PTPRD: variants seen among roughly 807,000 people sequenced by gnomAD.
PTPRD encodes the protein receptor-type tyrosine-protein phosphatase delta.
PTPRD carries 34 observed loss-of-function variants against 214.5 expected under a neutral mutation model. The observed-to-expected ratio is 0.16, with a 90% CI of 0.12 to 0.21. The LOEUF (loss-of-function observed/expected upper bound fraction) is 0.21, where lower values mean the gene tolerates loss of function less well. Among genes scored for constraint, PTPRD ranks in the 10% least tolerant of loss-of-function variants. The probability of loss-of-function intolerance (pLI) is 1.00; values close to 1 mark genes in which losing one functional copy is unlikely to be tolerated. For synonymous variants in PTPRD, 1,128 were observed against 845.7 expected (o/e 1.33, Z -5.79); for missense variants, 2,545 against 2,398.7 (o/e 1.06, Z -1.27).
At chr9:10,189,354 C>T (rs1023524499) in intron 3 of PTPRD, among the ~76,000 whole-genome samples, 8 of 152,128 alleles carry the variant, frequency 5.3e-5, no homozygotes, top group Non-Finnish European at 1.2e-4. Flanking sequence ...ATGGGTCTTT[C>T]ATCCTCAAGG....
At chr9:10,412,904 A>C (rs796916158) in intron 2 of PTPRD, among the ~76,000 whole-genome samples, 7 of 152,094 alleles carry the variant, frequency 4.6e-5, no homozygotes, top group African/African-American at 1.7e-4. Flanking sequence ...TTTAAATAAA[A>C]TTCAACATCC....
intron 9 of PTPRD, among the ~76,000 whole-genome samples, chr9:9,211,417 G>A (rs1196770065): frequency 6.6e-6 from 1 of 151,620 alleles, no homozygotes; most frequent in African/African-American, 2.4e-5. Flanking sequence ...AAGAGTGTTG[G>A]GCATATTTTT....
At chr9:8,520,606 G>A (rs1248122933) in intron 20 of PTPRD, among the ~76,000 whole-genome samples, 4 of 151,336 alleles carry the variant, frequency 2.6e-5, no homozygotes, top group Admixed American at 6.6e-5. Flanking sequence ...TAAACACTAG[G>A]GGAAAAAAAA....
chr9:8,907,231 G>A (rs1423340343), intron 11 of PTPRD, among the ~76,000 whole-genome samples: 1 of 152,008 alleles, frequency 6.6e-6, no homozygotes, highest in South Asian at 2.1e-4. Context: ...GCCACAATAT[G>A]TTATCTAAAA....
In PTPRD at chr9:8,526,463, T is replaced by C. The variant is rs79082371; in HGVS notation, c.568+164A>G. On this transcript the variant is annotated intron_variant, in intron 17 of 45. Transcript: ENST00000381196. ...GAGAGAAAGAAAAAGGAAAGGAAAG[T>C]TCACAATATGAGAGTCACTGATCAT... Among the ~76,000 whole-genome samples, 324 of 151,626 alleles carry C rather than the reference T, an allele frequency of 2.1e-3. 1 individual carries two copies. Among genetic ancestry groups the C allele is most frequent in the African/African-American group, 7.7e-3 (317 of 41,378 alleles).
At chr9:8,476,955 C>A (rs1179418160) in intron 30 of PTPRD, among the ~76,000 whole-genome samples, 1 of 152,120 alleles carries the variant, frequency 6.6e-6, no homozygotes, top group Non-Finnish European at 1.5e-5. Context: ...CTCCTTATTG[C>A]AAACGTTCTT....
intron 3 of PTPRD, among the ~76,000 whole-genome samples, chr9:10,054,748 A>C (rs1403199824): frequency 6.6e-6 from 1 of 152,096 alleles, no homozygotes; most frequent in Non-Finnish European, 1.5e-5. Context: ...GCATTTAAAA[A>C]TCCTCCTACC....
intron 21 of PTPRD, among the ~76,000 whole-genome samples, chr9:8,514,100 G>C (rs539253108): frequency 7.9e-5 from 12 of 152,156 alleles, no homozygotes; most frequent in African/African-American, 2.9e-4. Flanking sequence ...CAGTAACTCA[G>C]TTGCCCCTCT....
At position 9,380,887 on chromosome 9, in the gene PTPRD, T is replaced by C. The variant is rs1272086995; in HGVS notation, c.-203+16562A>G. 2.6e-5 allele frequency among the ~76,000 whole-genome samples: 4 copies of C among 152,192 alleles called. No individual in the cohort carries two copies. The East Asian group carries it at 7.7e-4, about 29-fold the overall frequency. On this transcript the variant is annotated intron_variant, in intron 9 of 45. Transcript: ENST00000381196. ...CTATTTTTAGGTGTATATATGTTAA[T>C]AATTGTTACGTCTTCTTGGAGAATT...
Position 9,925,909 on chromosome 9 carries a change from G to T in PTPRD, c.-368+12598C>A, listed in dbSNP as rs548685345. Among the ~76,000 whole-genome samples, 5 of 152,208 alleles carry T rather than the reference G, an allele frequency of 3.3e-5. No individual in the cohort carries two copies. The South Asian group carries it at 1.0e-3, about 32-fold the overall frequency. ...AGTGTCATGGTCATGGCTTACTGTA[G>T]CTTTGAACTCCTGGGCTAAAGAGAT... On this transcript the variant is annotated intron_variant, in intron 5 of 45. Transcript: ENST00000381196.
At chr9:10,105,844 G>C (rs1017376518) in intron 3 of PTPRD, among the ~76,000 whole-genome samples, 5 of 151,438 alleles carry the variant, frequency 3.3e-5, no homozygotes, top group Non-Finnish European at 3.0e-5. Context: ...CCCTGCAATA[G>C]GGAAAGGTAG....
intron 20 of PTPRD, among the ~76,000 whole-genome samples, chr9:8,519,154 T>C (rs1381189621): frequency 6.6e-6 from 1 of 152,136 alleles, no homozygotes; most frequent in African/African-American, 2.4e-5. Flanking sequence ...TATTTAAAAA[T>C]TGCTGAAGGA....
At chr9:9,991,197 G>A (rs553981209) in intron 4 of PTPRD, among the ~76,000 whole-genome samples, 6 of 151,982 alleles carry the variant, frequency 3.9e-5, no homozygotes, top group Non-Finnish European at 8.8e-5. Flanking sequence ...GCCTCCCAAA[G>A]TGCTGGTATT....
At chr9:9,248,849 G>C (rs2099974170) in intron 9 of PTPRD, among the ~76,000 whole-genome samples, 1 of 152,046 alleles carries the variant, frequency 6.6e-6, no homozygotes. Context: ...AAGTAAAGTA[G>C]CTCAGAAAGA....
intron 11 of PTPRD, among the ~76,000 whole-genome samples, chr9:8,910,913 C>T (rs187150629): frequency 6.6e-6 from 1 of 152,266 alleles, no homozygotes; most frequent in East Asian, 1.9e-4. Context: ...GCCTTGTACA[C>T]AGAAGACTAC....
chr9:9,265,729 A>G (rs1387542717), intron 9 of PTPRD, among the ~76,000 whole-genome samples: 2 of 151,456 alleles, frequency 1.3e-5, no homozygotes, highest in Middle Eastern at 3.2e-3. Context: ...ACAAAAGATG[A>G]AAAGACTCAA....
chr9:9,492,655 A>C (rs1467684865), intron 8 of PTPRD, among the ~76,000 whole-genome samples: 1 of 152,060 alleles, frequency 6.6e-6, no homozygotes, highest in Non-Finnish European at 1.5e-5. Context: ...AAGTATTCCA[A>C]CATAATAAAA....
chr9:9,323,976 G>T (rs1480522725), intron 9 of PTPRD, among the ~76,000 whole-genome samples: 5 of 152,152 alleles, frequency 3.3e-5, no homozygotes, highest in Non-Finnish European at 7.3e-5. Flanking sequence ...TGCTCAGAAT[G>T]ATGGTTTCCA....
At chr9:8,352,156 C>A (rs10976982) in intron 39 of PTPRD, among the ~76,000 whole-genome samples, 9,806 of 151,740 alleles carry the variant, frequency 0.065, 428 homozygotes, top group Middle Eastern at 0.11. Flanking sequence ...GGCTTTGTCC[C>A]AATATTATCT....
Sources: allele counts gnomAD v4.1 joint callset (sites outside exome capture counted in the v4.1 genomes callset), GRCh38; gene constraint gnomAD v4.1.1; transcripts MANE v1.5; gene names NCBI Gene and HGNC (gene_info 2026-07-23, HGNC 2026-07-21).